GRIP1: variants seen among roughly 807,000 people sequenced by gnomAD.
GRIP1 encodes glutamate receptor interacting protein 1, also known as glutamate receptor-interacting protein 1.
In GRIP1, 45 loss-of-function variants were observed where a neutral mutation model predicts 129.9. The ratio of observed to expected loss-of-function variants is 0.35; its 90% CI spans 0.27 to 0.44. The LOEUF is 0.44. Ranked by LOEUF, GRIP1 falls within the 20% of genes least tolerant of loss-of-function variation. The probability of loss-of-function intolerance (pLI) is 1.00; values close to 1 mark genes in which losing one functional copy is unlikely to be tolerated. For synonymous variants in GRIP1, 530 were observed against 520.8 expected, an observed-to-expected ratio of 1.02 and a Z score of -0.24; for missense variants, 1,196 against 1,396.8, an observed-to-expected ratio of 0.86 and a Z score of 2.29.
intron 1 of GRIP1, among the ~76,000 whole-genome samples, chr12:66,962,728 T>C (rs1188826944): frequency 2.0e-5 from 3 of 152,166 alleles, no homozygotes; most frequent in Non-Finnish European, 4.4e-5. Context: ...AAGATCCTGA[T>C]TAAACAACAA....
At chr12:66,604,626 T>C (rs533576437) in intron 1 of GRIP1, among the ~76,000 whole-genome samples, 12 of 152,374 alleles carry the variant, frequency 7.9e-5, no homozygotes, top group Non-Finnish European at 1.5e-4. Flanking sequence ...CATCAGATTA[T>C]GCCAGCTGAC....
chr12:66,359,370 T>C (rs1405193750), intron 23 of GRIP1, among the ~76,000 whole-genome samples: 2 of 152,214 alleles, frequency 1.3e-5, no homozygotes, highest in African/African-American at 2.4e-5. Context: ...ATGACTCTAT[T>C]GGCCTGTGAT....
intron 1 of GRIP1, among the ~76,000 whole-genome samples, chr12:66,751,144 G>C (rs951943838): frequency 6.6e-6 from 1 of 152,154 alleles, no homozygotes; most frequent in Non-Finnish European, 1.5e-5. Flanking sequence ...ACTCTGCAGG[G>C]TTCTTATTTT....
intron 1 of GRIP1, among the ~76,000 whole-genome samples, chr12:66,644,141 G>C (rs574449485): frequency 1.3e-5 from 2 of 152,202 alleles, no homozygotes; most frequent in Admixed American, 6.5e-5. Flanking sequence ...CAGGAGAACA[G>C]TGTGGGAGAA....
At chr12:66,405,172 C>A (rs912206152) in intron 16 of GRIP1, among the ~76,000 whole-genome samples, 10 of 152,056 alleles carry the variant, frequency 6.6e-5, no homozygotes, top group African/African-American at 2.4e-4. Context: ...CATTAAAAAC[C>A]AAACCAAACC....
At chr12:66,680,102 GA>G (rs76372670), upstream of GRIP1, among the ~76,000 whole-genome samples, 908 of 148,680 alleles carry the variant, frequency 6.1e-3, 9 homozygotes, top group East Asian at 0.022. Context: ...GGAAGTTTAA[GA>G]AAAAAAAAAT....
chr12:66,897,010 G>T (rs1203183731), intron 1 of GRIP1, among the ~76,000 whole-genome samples: 1 of 152,250 alleles, frequency 6.6e-6, no homozygotes, highest in Non-Finnish European at 1.5e-5. Flanking sequence ...TCGGGAGCCA[G>T]TTTGCCTGAG....
intron 23 of GRIP1, among the ~76,000 whole-genome samples, chr12:66,370,485 ATAAGGT>A (rs1215301851): frequency 1.3e-5 from 2 of 152,196 alleles, no homozygotes; most frequent in African/African-American, 4.8e-5. Flanking sequence ...GCTAGGTTTA[ATAAGGT>A]GGCTAGGGAA....
intron 1 of GRIP1, among the ~76,000 whole-genome samples, chr12:66,699,442 A>G (rs2035275195): frequency 6.6e-6 from 1 of 151,996 alleles, no homozygotes; most frequent in South Asian, 2.1e-4. Flanking sequence ...TTTCCCTCAT[A>G]CTGTTCTCAT....
At chr12:66,655,317 A>G (rs1282740336) in intron 1 of GRIP1, among the ~76,000 whole-genome samples, 2 of 152,138 alleles carry the variant, frequency 1.3e-5, no homozygotes, top group Non-Finnish European at 2.9e-5. Flanking sequence ...GTTTTGTTTT[A>G]AAGACTTTTT....
intron 1 of GRIP1, among the ~76,000 whole-genome samples, chr12:66,694,349 T>C (rs1318503590): frequency 6.6e-6 from 1 of 152,174 alleles, no homozygotes. Context: ...GAATTACTTT[T>C]AGACTTAATG....
chr12:66,539,132 T>G lies in GRIP1; in HGVS notation c.364A>C (p.Lys122Gln). The change falls in exon 4 of 25, where the codon AAG becomes CAG. Residue 122 changes from lysine to glutamine, a missense_variant. By Grantham distance (53) the Lys-to-Gln change is moderately conservative. Coordinates refer to ENST00000359742, the MANE Select transcript of GRIP1 (RefSeq NM_001366722.1). ...FRHDEIISLL[K>Q]NVGERVVLEV... ...AGAACCACTCTTTCTCCCACATTCT[T>G]CAGCAAGCTGATGATCTCGTCATGG... 6.2e-7 allele frequency: 1 copy of G among 1,614,166 alleles called. No individual in the cohort carries two copies.
chr12:66,921,603 C>G (rs996721187), intron 1 of GRIP1, among the ~76,000 whole-genome samples: 7 of 152,210 alleles, frequency 4.6e-5, no homozygotes, highest in African/African-American at 1.7e-4. Flanking sequence ...ACATCACTGA[C>G]TGCACCCACT....
intron 1 of GRIP1, among the ~76,000 whole-genome samples, chr12:67,012,001 C>CT (rs771755889): frequency 8.5e-5 from 13 of 152,192 alleles, no homozygotes; most frequent in Non-Finnish European, 1.5e-4. Flanking sequence ...GTACTAGACT[C>CT]TAAGCTGCAG....
intron 1 of GRIP1, among the ~76,000 whole-genome samples, chr12:66,954,685 A>T (rs1409013928): frequency 6.6e-6 from 1 of 152,234 alleles, no homozygotes; most frequent in South Asian, 2.1e-4. Flanking sequence ...TTAAGTGCCT[A>T]CTATGTGCCA....
chr12:66,506,520 T>C (rs140533686), intron 7 of GRIP1, among the ~76,000 whole-genome samples: 1 of 152,158 alleles, frequency 6.6e-6, no homozygotes, highest in East Asian at 1.9e-4. Context: ...AAGACAGGGG[T>C]TACACATGGG....
chr12:66,827,134 C>T (rs1353972830), intron 1 of GRIP1, among the ~76,000 whole-genome samples: 1 of 151,988 alleles, frequency 6.6e-6, no homozygotes, highest in Non-Finnish European at 1.5e-5. Flanking sequence ...AATTTTCTCC[C>T]AGTTTCTGTG....
At chr12:66,907,766 A>C (rs921825484) in intron 1 of GRIP1, among the ~76,000 whole-genome samples, 1 of 152,222 alleles carries the variant, frequency 6.6e-6, no homozygotes, top group Non-Finnish European at 1.5e-5. Flanking sequence ...AACAACAAAG[A>C]AAGGGGAGAA....
intron 1 of GRIP1, among the ~76,000 whole-genome samples, chr12:66,813,818 T>A (rs149339251): frequency 4.4e-3 from 671 of 152,278 alleles, no homozygotes; most frequent in Non-Finnish European, 7.0e-3. Context: ...GGGCTTCTAT[T>A]CCACATGCAT....
Sources: gnomAD v4.1 joint callset for allele counts (sites outside exome capture counted in the v4.1 genomes callset) on GRCh38, gnomAD v4.1.1 for gene constraint, MANE v1.5 for transcripts, NCBI Gene and HGNC (gene_info 2026-07-23, HGNC 2026-07-21) for gene names.